Variants in XIRP2 observed in about 807,000 individuals in gnomAD.
XIRP2 encodes xin actin binding repeat containing 2, also known as xin actin-binding repeat-containing protein 2.
A neutral mutation model predicts 277.0 loss-of-function variants in XIRP2; 236 were observed. That is an observed-to-expected ratio of 0.85 (90% CI 0.77 to 0.95). XIRP2 has a LOEUF of 0.95. Among genes scored for constraint, XIRP2 ranks in the 40% least tolerant of loss-of-function variants. The pLI is 0.00. For missense variants in XIRP2, 4,640 were observed against 4,157.5 expected (o/e 1.12, Z -3.19); for synonymous variants, 1,490 against 1,416.5 (o/e 1.05, Z -1.17).
At chr2:166,996,766 AC>A (rs1687232868) in intron 2 of XIRP2, among the ~76,000 whole-genome samples, 2 of 152,214 alleles carry the variant, frequency 1.3e-5, no homozygotes, top group South Asian at 4.1e-4. Context: ...TGGGTTGAGC[AC>A]CCCTTCTTAC....
At chr2:167,026,168 G>T (rs1002424101) in intron 2 of XIRP2, among the ~76,000 whole-genome samples, 1 of 152,144 alleles carries the variant, frequency 6.6e-6, no homozygotes, top group African/African-American at 2.4e-5. Context: ...ATTTAGGATA[G>T]TTAGCTCTTG....
chr2:167,005,524 G>A (rs1416424079), intron 2 of XIRP2, among the ~76,000 whole-genome samples: 7 of 151,750 alleles, frequency 4.6e-5, no homozygotes, highest in Non-Finnish European at 8.8e-5. Flanking sequence ...GAATTATTTA[G>A]AATAACTGAA....
chr2:167,073,766 G>C (rs1689494418), intron 2 of XIRP2, among the ~76,000 whole-genome samples: 1 of 152,130 alleles, frequency 6.6e-6, no homozygotes, highest in South Asian at 2.1e-4. Flanking sequence ...GCCCTAACTA[G>C]AGGGGCCAGT....
At position 167,213,794 on chromosome 2, in the gene XIRP2, T is replaced by C. The variant is rs79753256; in HGVS notation, c.723+2899T>C. On this transcript the variant is annotated intron_variant, in intron 4 of 10. Coordinates refer to ENST00000409195, the MANE Select transcript of XIRP2 (RefSeq NM_152381.6). ...CATCTCACATGTGTAAACTTTCATC[T>C]ACCCGCAAGTGGAACAAGGAAACCT... Among the ~76,000 whole-genome samples, 5 of 152,248 alleles carry C rather than the reference T, an allele frequency of 3.3e-5. No homozygotes were observed. The East Asian group carries it at 9.7e-4, about 29-fold the overall frequency.
chr2:167,040,294 G>A (rs1341853726), intron 2 of XIRP2, among the ~76,000 whole-genome samples: 1 of 151,912 alleles, frequency 6.6e-6, no homozygotes, highest in Non-Finnish European at 1.5e-5. Flanking sequence ...TAAACAGAAG[G>A]AGAATGCACA....
At chr2:167,030,376 C>T (rs887054192) in intron 2 of XIRP2, among the ~76,000 whole-genome samples, 1 of 152,108 alleles carries the variant, frequency 6.6e-6, no homozygotes, top group Admixed American at 6.6e-5. Context: ...TCTCTAAACA[C>T]TGCTTTATCT....
Position 167,259,329 on chromosome 2 carries a change from T to A in XIRP2, c.*1512T>A. The A allele has an allele frequency of 2.5e-6, 4 of 1,611,462 alleles. No individual in the cohort carries two copies. The highest frequency in any genetic ancestry group is 1.7e-4 in the Middle Eastern group (1 of 6,038). On this transcript the variant is annotated 3_prime_UTR_variant, in exon 11 of 11. Coordinates refer to ENST00000409195, the MANE Select transcript of XIRP2 (RefSeq NM_152381.6). ...GAACAACTCACGGTGGAAGAGCAGA[T>A]TAAAAGAAACAGGTGCTACAGTGAC... is the stretch of plus-strand genomic sequence containing the variant.
At chr2:167,031,709 A>G (rs1397702595) in intron 2 of XIRP2, among the ~76,000 whole-genome samples, 2 of 152,092 alleles carry the variant, frequency 1.3e-5, no homozygotes, top group Non-Finnish European at 2.9e-5. Flanking sequence ...CACAATTGCT[A>G]TAAAGATAAT....
chr2:167,042,727 T>A (rs769719597), intron 2 of XIRP2, among the ~76,000 whole-genome samples: 1 of 152,072 alleles, frequency 6.6e-6, no homozygotes, highest in Non-Finnish European at 1.5e-5. Context: ...TAAAGACCTA[T>A]GAAGAGAGTT....
intron 5 of XIRP2, among the ~76,000 whole-genome samples, chr2:167,234,706 C>A (rs1324457439): frequency 2.0e-5 from 3 of 151,688 alleles, no homozygotes; most frequent in Non-Finnish European, 3.0e-5. Flanking sequence ...AAAACTGGAG[C>A]CTTTACTTCT....
intron 2 of XIRP2, among the ~76,000 whole-genome samples, chr2:166,957,619 C>A (rs971526672): frequency 4.6e-5 from 7 of 151,678 alleles, no homozygotes; most frequent in African/African-American, 1.7e-4. Context: ...CTTTTTAAAG[C>A]AATTATACTC....
At chr2:167,082,344 A>G (rs1411872481) in intron 2 of XIRP2, among the ~76,000 whole-genome samples, 1 of 152,004 alleles carries the variant, frequency 6.6e-6, no homozygotes. Flanking sequence ...CCGGTCTATC[A>G]TTGTTGGGCA....
intron 2 of XIRP2, among the ~76,000 whole-genome samples, chr2:167,050,076 A>G (rs1318944776): frequency 6.6e-6 from 1 of 152,078 alleles, no homozygotes; most frequent in Non-Finnish European, 1.5e-5. Context: ...AAATTTTAAC[A>G]GCATCTGTCT....
At chr2:167,164,804 C>T (rs369599690) in intron 3 of XIRP2, among the ~76,000 whole-genome samples, 1 of 133,662 alleles carries the variant, frequency 7.5e-6, no homozygotes, top group African/African-American at 3.6e-5. Flanking sequence ...CTTACCCCTC[C>T]CATTCATAGC....
intron 2 of XIRP2, among the ~76,000 whole-genome samples, chr2:166,976,853 T>C (rs1420185744): frequency 6.6e-6 from 1 of 152,200 alleles, no homozygotes; most frequent in Non-Finnish European, 1.5e-5. Context: ...TTCCATATGC[T>C]ATCATTTCCC....
At chr2:167,102,613 C>G (rs113979437) in intron 2 of XIRP2, among the ~76,000 whole-genome samples, 4,771 of 152,132 alleles carry the variant, frequency 0.031, 88 homozygotes, top group East Asian at 0.05. Context: ...GGTAACTATA[C>G]CATTGTTTTT....
At chr2:167,160,071 G>C (rs1248436698) in intron 3 of XIRP2, among the ~76,000 whole-genome samples, 1 of 151,590 alleles carries the variant, frequency 6.6e-6, no homozygotes. Context: ...ATATATATAG[G>C]CAAAAAAAAT....
chr2:166,950,715 T>C (rs1385478133), intron 2 of XIRP2, among the ~76,000 whole-genome samples: 1 of 152,074 alleles, frequency 6.6e-6, no homozygotes, highest in African/African-American at 2.4e-5. Flanking sequence ...TGTTTTTGTT[T>C]GTTCAGTTTA....
intron 3 of XIRP2, among the ~76,000 whole-genome samples, chr2:167,183,241 G>A (rs369176957): frequency 2.6e-5 from 4 of 152,198 alleles, no homozygotes; most frequent in Non-Finnish European, 5.9e-5. Context: ...GAAAGCAACT[G>A]TACTAGAAGG....
Sources: allele counts gnomAD v4.1 joint callset (sites outside exome capture counted in the v4.1 genomes callset), GRCh38; gene constraint gnomAD v4.1.1; transcripts MANE v1.5; gene names NCBI Gene and HGNC (gene_info 2026-07-23, HGNC 2026-07-21).